Variants in CHD4 observed in about 807,000 individuals in gnomAD.
CHD4 encodes the protein chromodomain helicase DNA binding protein 4.
Under a neutral mutation model 235.5 loss-of-function variants are expected in CHD4, and 35 were observed. The ratio of observed to expected loss-of-function variants is 0.15; its 90% CI spans 0.11 to 0.20. The LOEUF (loss-of-function observed/expected upper bound fraction) is 0.20, where lower values mean the gene tolerates loss of function less well. Among genes scored for constraint, CHD4 ranks in the 10% least tolerant of loss-of-function variants. The pLI, the probability that CHD4 is intolerant of heterozygous loss-of-function variation, is 1.00. For missense variants in CHD4, 1,329 were observed against 2,432.3 expected (o/e 0.55, Z 9.54); for synonymous variants, 900 against 850.2 (o/e 1.06, Z -1.02).
At position 6,601,126 on chromosome 12, in the gene CHD4, C is replaced by T. The variant is rs561779772; in HGVS notation, c.800-73G>A. 1.8e-5 allele frequency: 28 copies of T among 1,524,760 alleles called. No homozygotes were observed. The East Asian group carries it at 6.1e-4, about 33-fold the overall frequency. 94.5% of individuals were successfully genotyped at this position (1,524,760 alleles called of 1,614,324 possible). A position where few individuals can be genotyped will look rare whatever the true frequency, so the allele number is the denominator to read the frequency against. On this transcript the variant is annotated intron_variant, in intron 6 of 39. Coordinates refer to ENST00000544040, the MANE Select transcript of CHD4 (RefSeq NM_001273.5). ...GAAAATAAAATCTTCTCCACCTAAGCTTGCTTCCCCACATTCAGATTCCCA... is the reference window on the plus strand; with the variant it reads ...GAAAATAAAATCTTCTCCACCTAAGTTTGCTTCCCCACATTCAGATTCCCA...
intron 12 of CHD4, 71 bp downstream of exon 12, chr12:6,597,823 G>C: frequency 7.4e-7 from 1 of 1,355,232 alleles, no homozygotes. Flanking sequence ...ACTGGTGACA[G>C]CCATTTTCCC....
chr12:6,578,018 G>T lies in CHD4; in HGVS notation c.5228+11C>A. Reference sequence around the variant, plus strand: ...ACCAAAAGCCTCAGTACAGATTCAGGCAAAGGATACTTTATAATGCCGGCT... The same window carrying T: ...ACCAAAAGCCTCAGTACAGATTCAGTCAAAGGATACTTTATAATGCCGGCT... On this transcript the variant is annotated intron_variant, in intron 36 of 39. Transcript: ENST00000544040. 1 of 1,611,814 alleles carries T rather than the reference G, an allele frequency of 6.2e-7. No individual in the cohort carries two copies.
At chr12:6,576,190 C>T (rs1477620897) in intron 37 of CHD4, among the ~76,000 whole-genome samples, 1 of 152,084 alleles carries the variant, frequency 6.6e-6, no homozygotes, top group Non-Finnish European at 1.5e-5. Flanking sequence ...AACCCTGTCT[C>T]TACTAAAAAT....
At chr12:6,588,169 A>G (rs1948331401) in intron 23 of CHD4, 129 bp downstream of exon 23, 1 of 1,327,006 alleles carries the variant, frequency 7.5e-7, no homozygotes, top group Admixed American at 2.2e-5. Context: ...AATAAGGTAA[A>G]CAACACAAAA....
At chr12:6,575,545 T>C (rs1948056255) in intron 37 of CHD4, among the ~76,000 whole-genome samples, 2 of 151,580 alleles carry the variant, frequency 1.3e-5, no homozygotes, top group Non-Finnish European at 2.9e-5. Flanking sequence ...CTAAGTCCAA[T>C]AAATTCTTTG....
Position 6,570,401 on chromosome 12 carries a change from CAG to C in CHD4, c.*273_*274del. ...GGAACCCACAACAGTTTGTGTGTAACAGGCGTTACAGTGGGGAGAAGCCAGGG... is the reference window on the plus strand; with the variant it reads ...GGAACCCACAACAGTTTGTGTGTAACGCGTTACAGTGGGGAGAAGCCAGGG... On this transcript the variant is annotated 3_prime_UTR_variant, in exon 40 of 40. Transcript: ENST00000544040. 2.0e-6 allele frequency: 1 copy of C among 499,712 alleles called. No homozygotes were observed. The highest frequency in any genetic ancestry group is 3.6e-6 in the Non-Finnish European group (1 of 281,080). The allele number at this position is 499,712 out of a possible 1,614,324, so 31.0% of individuals were successfully genotyped here.
chr12:6,583,461 C>A, intron 25 of CHD4, 83 bp from the exon 26 acceptor site: 1 of 1,232,326 alleles, frequency 8.1e-7, no homozygotes, highest in South Asian at 1.5e-5. Context: ...TCCCACTCTG[C>A]TAGCTCCTTT....
chr12:6,603,681 A>C (rs893177866), intron 2 of CHD4, among the ~76,000 whole-genome samples: 6 of 152,178 alleles, frequency 3.9e-5, no homozygotes, highest in African/African-American at 1.4e-4. Flanking sequence ...ATCCTAAGCA[A>C]GGAAACCCAA....
intron 18 of CHD4, 28 bp from the exon 19 acceptor site, chr12:6,592,594 T>C (rs773353159): frequency 2.7e-5 from 42 of 1,581,668 alleles, no homozygotes; most frequent in Middle Eastern, 1.7e-4. Context: ...AAAAAAGTTA[T>C]TGGAGAAGGA....
intron 39 of CHD4, 53 bp from the exon 40 acceptor site, chr12:6,570,746 A>G: frequency 1.2e-6 from 2 of 1,613,704 alleles, no homozygotes; most frequent in Non-Finnish European, 1.7e-6. Context: ...AATCCACCCA[A>G]TCTCAAGGGA....
chr12:6,580,938 T>C (rs532555800), intron 33 of CHD4, 106 bp downstream of exon 33: 5 of 1,256,742 alleles, frequency 4.0e-6, no homozygotes, highest in African/African-American at 3.0e-5. Flanking sequence ...ACCTGGGAGG[T>C]GGAGGTTGCA....
intron 37 of CHD4, among the ~76,000 whole-genome samples, chr12:6,574,987 G>A (rs1373200706): frequency 6.6e-6 from 1 of 152,196 alleles, no homozygotes; most frequent in African/African-American, 2.4e-5. Flanking sequence ...GCCACTTCAT[G>A]AGAATTATAC....
At chr12:6,587,275 T>C (rs1948316024) in intron 25 of CHD4, 109 bp downstream of exon 25, 1 of 1,076,188 alleles carries the variant, frequency 9.3e-7, no homozygotes, top group Non-Finnish European at 1.4e-6. Flanking sequence ...TTCATCAACA[T>C]AAGAATTTGC....
rs1339371591 is a variant in CHD4, at chr12:6,570,178, ATT to A, written c.*496_*497del. 1 of 128,168 alleles carries A rather than the reference ATT, an allele frequency of 7.8e-6. No homozygotes were observed. The highest frequency in any genetic ancestry group is 1.7e-5 in the Non-Finnish European group (1 of 59,950). 7.9% of individuals were successfully genotyped at this position (128,168 alleles called of 1,614,324 possible). A position where few individuals can be genotyped will look rare whatever the true frequency, so the allele number is the denominator to read the frequency against. ...TTTCCTTTTTTTTTTTTTCCACTTT[ATT>A]TCATTTAGCCGCTCAGTGGCTAGAG... On this transcript the variant is annotated 3_prime_UTR_variant, in exon 40 of 40. Coordinates refer to ENST00000544040, the MANE Select transcript of CHD4 (RefSeq NM_001273.5).
chr12:6,577,687 G>C, intron 37 of CHD4, 98 bp downstream of exon 37: 2 of 1,494,562 alleles, frequency 1.3e-6, no homozygotes, highest in African/African-American at 2.8e-5. Context: ...TGAAGAAAGT[G>C]AGAACAGTGC....
intron 14 of CHD4, 21 bp downstream of exon 14, chr12:6,595,313 G>A: frequency 6.2e-7 from 1 of 1,601,908 alleles, no homozygotes; most frequent in South Asian, 1.1e-5. Flanking sequence ...ACAAACTACA[G>A]TCCCTTCCAC....
chr12:6,593,614 A>G lies in CHD4; in HGVS notation c.2316T>C (p.Gly772=), dbSNP rs550430240. 1 of 1,613,806 alleles carries G rather than the reference A, an allele frequency of 6.2e-7. No homozygotes were observed. Among genetic ancestry groups the G allele is most frequent in the South Asian group, 1.1e-5 (1 of 91,068 alleles). The part of the protein sequence containing the change: ...AVFLYSLYKE[G]HSKGPFLVSA... The stretch of plus-strand genomic sequence containing the variant: ...TCACTAGGAAGGGGCCTTTGGAATG[A>G]CCCTTTGAGAAAAAAGAGGAGAGTC... The change falls in exon 16 of 40, where the codon GGT becomes GGC. Residue 772 remains glycine (G), a splice_region_variant and synonymous_variant. Coordinates refer to ENST00000544040, the MANE Select transcript of CHD4 (RefSeq NM_001273.5). This position sits in a 1 kb window ranked among gnomAD's most constrained non-coding sequence, Gnocchi z 4.9.
chr12:6,583,415 A>C, intron 25 of CHD4, 37 bp from the exon 26 acceptor site: 2 of 1,554,258 alleles, frequency 1.3e-6, no homozygotes, highest in Non-Finnish European at 1.7e-6. Context: ...AGGAGTGCTG[A>C]AGTCAGCACC....
chr12:6,590,368 C>T (rs981379456), intron 22 of CHD4, among the ~76,000 whole-genome samples: 2 of 152,118 alleles, frequency 1.3e-5, no homozygotes, highest in Non-Finnish European at 2.9e-5. Flanking sequence ...TAGTACAATA[C>T]CAATGTTAAT....
Sources: gnomAD v4.1 joint callset for allele counts (sites outside exome capture counted in the v4.1 genomes callset) on GRCh38, gnomAD v4.1.1 for gene constraint, Gnocchi (gnomAD v3.1) non-coding constraint, MANE v1.5 for transcripts, NCBI Gene and HGNC (gene_info 2026-07-23, HGNC 2026-07-21) for gene names.